INO80D: variants seen among roughly 807,000 people sequenced by gnomAD.
INO80D encodes INO80 complex subunit D.
INO80D carries 21 observed loss-of-function variants against 87.6 expected under a neutral mutation model. The ratio of observed to expected loss-of-function variants is 0.24; its 90% CI spans 0.17 to 0.35. The LOEUF (loss-of-function observed/expected upper bound fraction) is 0.35. Ranked by LOEUF, INO80D falls within the 10% of genes least tolerant of loss-of-function variation. The pLI, the probability that INO80D is intolerant of heterozygous loss-of-function variation, is 1.00. For missense variants in INO80D, 982 were observed against 1,280.7 expected, an observed-to-expected ratio of 0.77 and a Z score of 3.56; for synonymous variants, 440 against 491.0, an observed-to-expected ratio of 0.90 and a Z score of 1.37.
intron 4 of INO80D, 146 bp from the exon 5 acceptor site, chr2:206,046,758 T>C: frequency 1.7e-6 from 1 of 581,526 alleles, no homozygotes; most frequent in South Asian, 2.2e-5. Flanking sequence ...ATGAATCTCA[T>C]TTCTATTCTT....
In INO80D at chr2:205,995,710, A is replaced by G. The variant is rs1687797167; in HGVS notation, c.*8658T>C. ...TATATACACTTTTGTCTGTGTGTGCATAAGAGCTTTAAAGGCACAATATAT... is the reference window on the plus strand; with the variant it reads ...TATATACACTTTTGTCTGTGTGTGCGTAAGAGCTTTAAAGGCACAATATAT... On this transcript the variant is annotated 3_prime_UTR_variant, in exon 11 of 11. Coordinates refer to ENST00000403263, the MANE Select transcript of INO80D (RefSeq NM_017759.5). 1 of 152,204 alleles carries G rather than the reference A, an allele frequency of 6.6e-6. No homozygotes were observed. The highest frequency in any genetic ancestry group is 6.5e-5 in the Admixed American group (1 of 15,280). The allele number at this position is 152,204 out of a possible 1,614,324, so 9.4% of individuals were successfully genotyped here.
intron 3 of INO80D, among the ~76,000 whole-genome samples, chr2:206,060,161 T>C (rs1031486934): frequency 6.6e-6 from 1 of 152,106 alleles, no homozygotes; most frequent in Admixed American, 6.6e-5. Flanking sequence ...GCTACGATCA[T>C]GCCACTGCAC....
In INO80D at chr2:205,995,815, G is replaced by A. The variant is rs1687798359; in HGVS notation, c.*8553C>T. On this transcript the variant is annotated 3_prime_UTR_variant, in exon 11 of 11. Transcript: ENST00000403263. ...CTGAGAAAAGTCAAAAGGAAATATA[G>A]CAGAATTCATCACACAGGAATTCAT... The A allele has an allele frequency of 1.3e-5, 2 of 152,104 alleles. No homozygotes were observed. Among genetic ancestry groups the A allele is most frequent in the South Asian group, 4.1e-4 (2 of 4,828 alleles). 9.4% of individuals were successfully genotyped at this position (152,104 alleles called of 1,614,324 possible).
intron 5 of INO80D, among the ~76,000 whole-genome samples, chr2:206,040,119 C>T (rs1008289529): frequency 6.6e-6 from 1 of 151,602 alleles, no homozygotes; most frequent in African/African-American, 2.4e-5. Flanking sequence ...ATGGTAAAAC[C>T]TCATTTCTAC....
chr2:206,046,533 G>C lies in INO80D; in HGVS notation c.1044C>G (p.Ile348Met). 1.9e-6 allele frequency: 3 copies of C among 1,613,038 alleles called. No individual in the cohort carries two copies. The highest frequency in any genetic ancestry group is 2.5e-6 in the Non-Finnish European group (3 of 1,178,992). Residue 348 changes from isoleucine to methionine, a missense_variant, in exon 5 of 11, where the codon ATC becomes ATG. Transcript: ENST00000403263. ...QASPYQVAWSIRETLRYQRHA... is the reference protein window; with the variant it reads ...QASPYQVAWSMRETLRYQRHA... ...GTCTTTGATATCTGAGGGTTTCCCGGATGGACCATGCAACCTGGTAGGGCG... is the reference window on the plus strand; with the variant it reads ...GTCTTTGATATCTGAGGGTTTCCCGCATGGACCATGCAACCTGGTAGGGCG...
Position 205,998,849 on chromosome 2 carries a change from A to G in INO80D, c.*5519T>C, listed in dbSNP as rs1381718274. On this transcript the variant is annotated 3_prime_UTR_variant, in exon 11 of 11. Transcript: ENST00000403263. ...ATTTTCTTATTTTAAAAACTGCCCT[A>G]ATTTCCACAAGGAATCCCTGAGACA... is the stretch of plus-strand genomic sequence containing the variant. 6.6e-6 allele frequency: 1 copy of G among 152,178 alleles called. No homozygotes were observed. The highest frequency in any genetic ancestry group is 2.4e-5 in the African/African-American group (1 of 41,444). 9.4% of individuals were successfully genotyped at this position (152,178 alleles called of 1,614,324 possible).
chr2:206,007,613 C>G (rs948696023), intron 9 of INO80D, among the ~76,000 whole-genome samples, 172 bp from the exon 10 acceptor site: 1 of 152,012 alleles, frequency 6.6e-6, no homozygotes, highest in Non-Finnish European at 1.5e-5. Flanking sequence ...CTTGAGGGCA[C>G]GAGTTCGAGA....
At chr2:206,080,902 C>CAAAAAAAAAA (rs60198558) in intron 1 of INO80D, among the ~76,000 whole-genome samples, 1 of 38,064 alleles carries the variant, frequency 2.6e-5, no homozygotes, top group Non-Finnish European at 4.1e-5. Flanking sequence ...GACTCAGTCT[C>CAAAAAAAAAA]AAAAAAAAAA....
chr2:206,067,392 C>T (rs1290943284), intron 1 of INO80D, among the ~76,000 whole-genome samples: 2 of 151,908 alleles, frequency 1.3e-5, no homozygotes, highest in Non-Finnish European at 2.9e-5. Flanking sequence ...CCCTAGTGTT[C>T]TATAGCACTG....
chr2:206,007,341 A>T lies in INO80D; in HGVS notation c.1861T>A (p.Phe621Ile). ...PHDLELNQEDFSDVLPRLPDD... is the reference protein window; with the variant it reads ...PHDLELNQEDISDVLPRLPDD... ...GGTAGCCGTGGCAGGACATCTGAAA[A>T]GTCCTCCTGGTTCAATTCCAAGTCA... Residue 621 changes from phenylalanine (F) to isoleucine (I), a missense_variant, in exon 10 of 11, where the codon TTT (phenylalanine) becomes ATT (isoleucine). Coordinates refer to ENST00000403263, the MANE Select transcript of INO80D (RefSeq NM_017759.5). 1 of 1,613,856 alleles carries T rather than the reference A, an allele frequency of 6.2e-7. No homozygotes were observed. The highest frequency in any genetic ancestry group is 8.5e-7 in the Non-Finnish European group (1 of 1,179,832).
At chr2:206,064,299 C>A (rs1474903018) in intron 1 of INO80D, among the ~76,000 whole-genome samples, 1 of 152,134 alleles carries the variant, frequency 6.6e-6, no homozygotes. Flanking sequence ...ATTACAACAC[C>A]ATCTAGTCTA....
chr2:206,028,313 T>A lies in INO80D; in HGVS notation c.1096A>T (p.Ser366Cys). The A allele has an allele frequency of 6.2e-7, 1 of 1,601,980 alleles. No individual in the cohort carries two copies. Among genetic ancestry groups the A allele is most frequent in the Non-Finnish European group, 8.5e-7 (1 of 1,170,430 alleles). The change falls in exon 6 of 11, where the codon AGT becomes TGT. Residue 366 changes from serine to cysteine, a missense_variant. Physicochemically the swap from Ser to Cys is moderately radical, Grantham distance 112. Coordinates refer to ENST00000403263, the MANE Select transcript of INO80D (RefSeq NM_017759.5). ...RHASDDDDAE[S>C]RSSRVTQLCT... ...AGTTGAGTCACCCTGGAGCTCCTAC[T>A]CTCCGCATCATCATCATCTGACCTG... is the stretch of plus-strand genomic sequence containing the variant.
intron 5 of INO80D, among the ~76,000 whole-genome samples, chr2:206,046,022 A>C (rs569246184): frequency 1.9e-4 from 29 of 152,346 alleles, no homozygotes; most frequent in African/African-American, 4.8e-4. Flanking sequence ...AAAGGTACAG[A>C]AGCAAATTTA....
intron 5 of INO80D, chr2:206,040,739 G>T: frequency 3.5e-6 from 1 of 283,324 alleles, no homozygotes; most frequent in South Asian, 3.5e-5. Context: ...GATGTCTTCA[G>T]AGATCCTGCT....
chr2:206,080,902 CAAAAAAAA>C (rs60198558), intron 1 of INO80D, among the ~76,000 whole-genome samples: 17 of 38,058 alleles, frequency 4.5e-4, no homozygotes, highest in Admixed American at 1.4e-3. Context: ...GACTCAGTCT[CAAAAAAAA>C]AAAAAAAAAA....
At chr2:206,024,842 G>C (rs910703394) in intron 6 of INO80D, among the ~76,000 whole-genome samples, 5 of 151,870 alleles carry the variant, frequency 3.3e-5, no homozygotes, top group African/African-American at 1.2e-4. Context: ...TGCAACCTCT[G>C]CCTCCTGGGT....
chr2:206,074,061 C>A lies in INO80D; in HGVS notation c.-123-10817G>T, dbSNP rs116496904. Among the ~76,000 whole-genome samples, 487 of 152,136 alleles carry A rather than the reference C, an allele frequency of 3.2e-3. 3 individuals carry two copies. Among genetic ancestry groups the A allele is most frequent in the African/African-American group, 0.011 (464 of 41,520 alleles). On this transcript the variant is annotated intron_variant, in intron 1 of 10. Transcript: ENST00000403263. ...TATCACTTTAAAAAGAAAAAAAAACCTTAGCCAAACTAAATTTATTAACAG... is the reference window on the plus strand; with the variant it reads ...TATCACTTTAAAAAGAAAAAAAAACATTAGCCAAACTAAATTTATTAACAG...
At chr2:206,049,833 A>T (rs1310060798) in intron 4 of INO80D, among the ~76,000 whole-genome samples, 1 of 152,214 alleles carries the variant, frequency 6.6e-6, no homozygotes, top group Non-Finnish European at 1.5e-5. Flanking sequence ...TTTGCATTTT[A>T]AAAAATTTAA....
chr2:206,004,749 A>T lies in INO80D; in HGVS notation c.2703T>A (p.Ser901=). The change falls in exon 11 of 11, where the codon TCT becomes TCA. Residue 901 remains serine, a synonymous_variant. Coordinates refer to ENST00000403263, the MANE Select transcript of INO80D (RefSeq NM_017759.5). The surrounding 1 kb of genome is among the most constrained non-coding windows in gnomAD (Gnocchi z 4.9). Reference sequence around the variant, plus strand: ...CTGCGCCGAGAAGGTTGCTAAATGGAGAGGGGTCTCCAAGGTTGACAGGGA... The same window carrying T: ...CTGCGCCGAGAAGGTTGCTAAATGGTGAGGGGTCTCCAAGGTTGACAGGGA... ...GNLPVNLGDP[S]PFSNLLGADG... 6.2e-7 allele frequency: 1 copy of T among 1,613,872 alleles called. No homozygotes were observed. The highest frequency in any genetic ancestry group is 8.5e-7 in the Non-Finnish European group (1 of 1,179,862).
Sources: allele counts gnomAD v4.1 joint callset (sites outside exome capture counted in the v4.1 genomes callset), GRCh38; gene constraint gnomAD v4.1.1; non-coding constraint Gnocchi (gnomAD v3.1); transcripts MANE v1.5; gene names NCBI Gene and HGNC (gene_info 2026-07-23, HGNC 2026-07-21).